The following HSPG2 variants were observed in gnomAD, a reference collection of about 807,000 sequenced individuals.
HSPG2 encodes basement membrane-specific heparan sulfate proteoglycan core protein.
HSPG2 carries 278 observed loss-of-function variants against 526.6 expected under a neutral mutation model. That is an observed-to-expected ratio of 0.53 (90% CI 0.48 to 0.58). HSPG2 has a LOEUF of 0.58. HSPG2 is among the 20% of genes least tolerant of loss of function. The pLI, the probability that HSPG2 is intolerant of heterozygous loss-of-function variation, is 0.00. For synonymous variants in HSPG2, 2,465 were observed against 2,555.4 expected, an observed-to-expected ratio of 0.96 and a Z score of 1.07; for missense variants, 5,354 against 6,099.5, an observed-to-expected ratio of 0.88 and a Z score of 4.07.
chr1:21,893,767 G>A lies in HSPG2; in HGVS notation c.244+2155C>T, dbSNP rs1436061033. ...AGGCAGAGACATTGCAAGAGAGAGG[G>A]AGACACAAAGAGACAGAAAGACAGA... On this transcript the variant is annotated intron_variant, in intron 3 of 96. Transcript: ENST00000374695. This position sits in a 1 kb window ranked among gnomAD's most constrained non-coding sequence, Gnocchi z 4.3. 1.3e-5 allele frequency among the ~76,000 whole-genome samples: 2 copies of A among 151,878 alleles called. No homozygotes were observed. Among genetic ancestry groups the A allele is most frequent in the Non-Finnish European group, 2.9e-5 (2 of 67,974 alleles).
At chr1:21,878,110 G>C in intron 21 of HSPG2, 76 bp downstream of exon 21, 1 of 1,355,818 alleles carries the variant, frequency 7.4e-7, no homozygotes, top group Admixed American at 1.8e-5. Flanking sequence ...TGGAGAGGAC[G>C]GAGCTTCCTT....
chr1:21,836,935 G>C lies in HSPG2; in HGVS notation c.10222C>G (p.Leu3408Val). 6.4e-7 allele frequency: 1 copy of C among 1,557,324 alleles called. No homozygotes were observed. Among genetic ancestry groups the C allele is most frequent in the Non-Finnish European group, 8.7e-7 (1 of 1,150,346 alleles). ...CTGGCCCCAATGCTCTTGGTCTCTA[G>C]CTGAGGCGTGACCTGCACGGTGGGC... ...STPTVQVTPQ[L>V]ETKSIGASVE... The change falls in exon 75 of 97, where the codon CTA (leucine) becomes GTA (valine). Residue 3408 changes from leucine (L) to valine (V), a missense_variant. Physicochemically the swap from Leu to Val is conservative, Grantham distance 32. Coordinates refer to ENST00000374695, the MANE Select transcript of HSPG2 (RefSeq NM_005529.7).
In HSPG2 at chr1:21,934,179, T is replaced by A. The variant is rs529649128; in HGVS notation, c.63+2976A>T. Among the ~76,000 whole-genome samples the A allele has an allele frequency of 8.5e-5, 13 of 152,300 alleles. 1 individual carries two copies. The South Asian group carries it at 2.5e-3, about 29-fold the overall frequency. On this transcript the variant is annotated intron_variant, in intron 1 of 96. Transcript: ENST00000374695. ...CAGCTTCCTGTGGTCCTGTCCCCCG[T>A]CCCGGGGAAGCCTGGAGCTCCCTAA...
At chr1:21,927,196 C>A (rs189538064) in intron 1 of HSPG2, among the ~76,000 whole-genome samples, 4 of 152,148 alleles carry the variant, frequency 2.6e-5, no homozygotes, top group Admixed American at 2.6e-4. Context: ...CCTTCCCCAC[C>A]GACTGGGATG....
At position 21,849,375 on chromosome 1, in the gene HSPG2, C is replaced by G. The variant is rs758414353; in HGVS notation, c.7447-344G>C. Among the ~76,000 whole-genome samples, 6 of 152,198 alleles carry G rather than the reference C, an allele frequency of 3.9e-5. No individual in the cohort carries two copies. In the East Asian group the frequency reaches 1.2e-3, roughly 29 times the overall value. On this transcript the variant is annotated intron_variant, in intron 57 of 96. Coordinates refer to ENST00000374695, the MANE Select transcript of HSPG2 (RefSeq NM_005529.7). The stretch of plus-strand genomic sequence containing the variant: ...CTGGCCATCAGCTCTGGATCACTGT[C>G]CCTGTCCTTCACATGGGGAAGGGGG...
intron 40 of HSPG2, 50 bp from the exon 41 acceptor site, chr1:21,860,052 A>G (rs1315357692): frequency 6.2e-7 from 1 of 1,602,814 alleles, no homozygotes; most frequent in Non-Finnish European, 8.5e-7. Context: ...TGTCTTCAAT[A>G]TCTCTGCTCT....
Position 21,928,544 on chromosome 1 carries a change from G to A in HSPG2, c.63+8611C>T, listed in dbSNP as rs538417078. Among the ~76,000 whole-genome samples the A allele has an allele frequency of 2.6e-3, 402 of 152,318 alleles. 1 individual carries two copies. The highest frequency in any genetic ancestry group is 9.4e-3 in the African/African-American group (389 of 41,564). Reference sequence around the variant, plus strand: ...CAACCTCCGCTTCCCAGGTTCAAGCGATTCTCCTACCTCAGCCTCCTGAGT... The same window carrying A: ...CAACCTCCGCTTCCCAGGTTCAAGCAATTCTCCTACCTCAGCCTCCTGAGT... On this transcript the variant is annotated intron_variant, in intron 1 of 96. Coordinates refer to ENST00000374695, the MANE Select transcript of HSPG2 (RefSeq NM_005529.7).
Position 21,824,956 on chromosome 1 carries a change from G to A in HSPG2, c.12590-177C>T, listed in dbSNP as rs1331956909. 1.5e-6 allele frequency: 1 copy of A among 663,686 alleles called. No homozygotes were observed. The highest frequency in any genetic ancestry group is 2.8e-6 in the Non-Finnish European group (1 of 362,088). 41.1% of individuals were successfully genotyped at this position (663,686 alleles called of 1,614,324 possible). A position where few individuals can be genotyped will look rare whatever the true frequency, so the allele number is the denominator to read the frequency against. ...TTCAGGGAGCCTATGACCTTGGATG[G>A]GAAAGCATTACACCTCAATTTCACT... On this transcript the variant is annotated intron_variant, in intron 91 of 96. Coordinates refer to ENST00000374695, the MANE Select transcript of HSPG2 (RefSeq NM_005529.7). This position sits in a 1 kb window ranked among gnomAD's most constrained non-coding sequence, Gnocchi z 5.9.
In HSPG2 at chr1:21,851,812, G is replaced by A; in HGVS notation, c.6985C>T (p.Gln2329Ter). The change falls in exon 54 of 97, where the codon CAG becomes TAG. Residue 2329 changes from glutamine to a stop codon, truncating the protein, a stop_gained. Coordinates refer to ENST00000374695, the MANE Select transcript of HSPG2 (RefSeq NM_005529.7). LOFTEE classifies it high-confidence loss of function. ...ASITVTVTGT[Q>*]GANLAYPAGS... ...TCACGGTAGGCTAAGTTGGCCCCCT[G>A]GGTCCCAGTTACTGTGACCGTGATG... 6.2e-7 allele frequency: 1 copy of A among 1,613,808 alleles called. No homozygotes were observed. Among genetic ancestry groups the A allele is most frequent in the Non-Finnish European group, 8.5e-7 (1 of 1,180,018 alleles).
chr1:21,842,207 C>T, intron 68 of HSPG2, 32 bp downstream of exon 68: 3 of 1,612,710 alleles, frequency 1.9e-6, no homozygotes, highest in Middle Eastern at 1.7e-4. Context: ...GCCCTCCCTT[C>T]CCCCCTTGCC....
chr1:21,873,280 C>T (rs564230237), intron 30 of HSPG2, 95 bp downstream of exon 30: 9 of 1,435,146 alleles, frequency 6.3e-6, no homozygotes, highest in Non-Finnish European at 8.8e-6. Flanking sequence ...CAGGCTCGGA[C>T]AGGCAAAGCC....
rs1482648833 is a variant in HSPG2, at chr1:21,843,419, C to A, written c.8636G>T (p.Arg2879Met). 1 of 1,613,388 alleles carries A rather than the reference C, an allele frequency of 6.2e-7. No individual in the cohort carries two copies. The highest frequency in any genetic ancestry group is 8.5e-7 in the Non-Finnish European group (1 of 1,179,754). ...GTCAGCCGGGGACACCTGGTTCAGC[C>A]TCAGCAGTGGGCCGTGGACCTGGCC... The part of the protein sequence containing the change: ...ARHQVHGPLL[R>M]LNQVSPADSG... Residue 2879 changes from arginine (R) to methionine (M), a missense_variant, in exon 66 of 97, where the codon AGG becomes ATG. Transcript: ENST00000374695.
Position 21,854,988 on chromosome 1 carries a change from C to A in HSPG2, c.5998-5G>T. 6.2e-7 allele frequency: 1 copy of A among 1,611,990 alleles called. No homozygotes were observed. Among genetic ancestry groups the A allele is most frequent in the South Asian group, 1.1e-5 (1 of 91,066 alleles). ...GTCTGTGCGCTCTGACCGGGCCTGCCGTGGGTGAGATGGGTCAGCTGCCCC... is the reference window on the plus strand; with the variant it reads ...GTCTGTGCGCTCTGACCGGGCCTGCAGTGGGTGAGATGGGTCAGCTGCCCC... On this transcript the variant is annotated splice_region_variant and splice_polypyrimidine_tract_variant and intron_variant, in intron 47 of 96. Coordinates refer to ENST00000374695, the MANE Select transcript of HSPG2 (RefSeq NM_005529.7).
At chr1:21,830,213 C>T (rs1291826058) in intron 85 of HSPG2, 122 bp from the exon 86 acceptor site, 3 of 788,482 alleles carry the variant, frequency 3.8e-6, no homozygotes, top group Non-Finnish European at 6.4e-6. Context: ...AGGCCAGCCT[C>T]CTGGGAGGCC....
At position 21,880,268 on chromosome 1, in the gene HSPG2, AC is replaced by A; in HGVS notation, c.2196-15del. 1 of 1,614,080 alleles carries A rather than the reference AC, an allele frequency of 6.2e-7. No homozygotes were observed. Among genetic ancestry groups the A allele is most frequent in the South Asian group, 1.1e-5 (1 of 91,082 alleles). ...CCAATGGGGCATCTGTGGGGACAGG[AC>A]CAAAAGAGTCGCTGCAAGGACGGTG... On this transcript the variant is annotated splice_polypyrimidine_tract_variant and intron_variant, in intron 16 of 96. Coordinates refer to ENST00000374695, the MANE Select transcript of HSPG2 (RefSeq NM_005529.7).
intron 81 of HSPG2, 68 bp from the exon 82 acceptor site, chr1:21,831,864 A>C (rs1572157449): frequency 6.7e-7 from 1 of 1,499,086 alleles, no homozygotes. Flanking sequence ...CTAGGGGCCC[A>C]GTTGGGTAGA....
chr1:21,826,929 T>C (rs1286909376), intron 91 of HSPG2, among the ~76,000 whole-genome samples: 1 of 151,994 alleles, frequency 6.6e-6, no homozygotes, highest in Non-Finnish European at 1.5e-5. Context: ...AATCCAGCAC[T>C]TTAGGACGGT....
chr1:21,904,645 C>A lies in HSPG2; in HGVS notation c.64-8335G>T. 6.6e-6 allele frequency among the ~76,000 whole-genome samples: 1 copy of A among 152,230 alleles called. No individual in the cohort carries two copies. Among genetic ancestry groups the A allele is most frequent in the South Asian group, 2.1e-4 (1 of 4,836 alleles). ...GGAACCAGGAAGCCACCGGGAAATG[C>A]CCTTGCCTCACCCATGTGCCAGGTG... On this transcript the variant is annotated intron_variant, in intron 1 of 96. Coordinates refer to ENST00000374695, the MANE Select transcript of HSPG2 (RefSeq NM_005529.7). The surrounding 1 kb of genome is among the most constrained non-coding windows in gnomAD (Gnocchi z 4.4).
intron 15 of HSPG2, 32 bp downstream of exon 15, chr1:21,880,624 C>T (rs1238235776): frequency 1.3e-6 from 2 of 1,597,140 alleles, no homozygotes; most frequent in Non-Finnish European, 1.7e-6. Flanking sequence ...TCCCCCTTTG[C>T]TCCCAGCCCT....
Sources: allele counts gnomAD v4.1 joint callset (sites outside exome capture counted in the v4.1 genomes callset), GRCh38; gene constraint gnomAD v4.1.1; non-coding constraint Gnocchi (gnomAD v3.1); transcripts MANE v1.5; gene names NCBI Gene and HGNC (gene_info 2026-07-23, HGNC 2026-07-21).